Variants in MGMT observed in about 807,000 individuals in gnomAD.
The protein encoded by MGMT is methylated-DNA--protein-cysteine methyltransferase.
In MGMT, 14 loss-of-function variants were observed where a neutral mutation model predicts 15.9. The ratio of observed to expected loss-of-function variants is 0.88; its 90% CI spans 0.58 to 1.37. The LOEUF is 1.37. Ranked by LOEUF, MGMT falls within the 40% of genes most tolerant of loss-of-function variation. The pLI, the probability that MGMT is intolerant of heterozygous loss-of-function variation, is 0.00. For synonymous variants in MGMT, 130 were observed against 118.2 expected (o/e 1.10, Z -0.65); for missense variants, 282 against 268.1 (o/e 1.05, Z -0.36).
At chr10:129,741,971 G>C (rs1430914546) in intron 3 of MGMT, among the ~76,000 whole-genome samples, 1 of 152,222 alleles carries the variant, frequency 6.6e-6, no homozygotes, top group South Asian at 2.1e-4. Flanking sequence ...TGCAACGCCA[G>C]CTTTGCAAAG....
chr10:129,671,850 C>T (rs1298115587), intron 2 of MGMT, among the ~76,000 whole-genome samples: 3 of 152,316 alleles, frequency 2.0e-5, no homozygotes, highest in Admixed American at 1.3e-4. Flanking sequence ...TGTGTGTTCA[C>T]CAGTTGCAAC....
chr10:129,643,676 G>C (rs143779243), intron 2 of MGMT, among the ~76,000 whole-genome samples: 1 of 152,174 alleles, frequency 6.6e-6, no homozygotes, highest in Non-Finnish European at 1.5e-5. Context: ...CAGAAACAAC[G>C]ATTTCTTCAA....
intron 2 of MGMT, among the ~76,000 whole-genome samples, chr10:129,643,582 A>G (rs765300092): frequency 5.3e-5 from 8 of 152,162 alleles, no homozygotes; most frequent in African/African-American, 9.7e-5. Context: ...GGACCCACAC[A>G]TGCTAAGCGA....
At chr10:129,526,516 C>A (rs1210371808) in intron 1 of MGMT, among the ~76,000 whole-genome samples, 1 of 152,138 alleles carries the variant, frequency 6.6e-6, no homozygotes, top group Non-Finnish European at 1.5e-5. Flanking sequence ...TGATTTCTCC[C>A]TTTTAACATG....
chr10:129,651,866 C>T (rs1268956664), intron 2 of MGMT, among the ~76,000 whole-genome samples: 1 of 152,210 alleles, frequency 6.6e-6, no homozygotes, highest in Non-Finnish European at 1.5e-5. Context: ...AATTTCTGAG[C>T]TGCACTGATC....
intron 2 of MGMT, among the ~76,000 whole-genome samples, chr10:129,571,655 G>T (rs1846421039): frequency 6.6e-6 from 1 of 152,188 alleles, no homozygotes; most frequent in Non-Finnish European, 1.5e-5. Flanking sequence ...TGTCAACCAT[G>T]CTGAGAGGTG....
At chr10:129,667,097 G>A (rs1352649881) in intron 2 of MGMT, among the ~76,000 whole-genome samples, 1 of 152,096 alleles carries the variant, frequency 6.6e-6, no homozygotes, top group African/African-American at 2.4e-5. Context: ...TTGTTATAAA[G>A]ATAATACACA....
chr10:129,715,020 G>A (rs906105226), intron 3 of MGMT, among the ~76,000 whole-genome samples: 4 of 152,142 alleles, frequency 2.6e-5, no homozygotes, highest in African/African-American at 9.7e-5. Flanking sequence ...CGTGAGTCGG[G>A]GGTAAAGGAA....
intron 4 of MGMT, among the ~76,000 whole-genome samples, chr10:129,760,747 G>A (rs887546855): frequency 1.4e-4 from 21 of 152,086 alleles, no homozygotes; most frequent in African/African-American, 4.8e-4. Flanking sequence ...TAATCTAGGC[G>A]AGCTTTCTAC....
intron 4 of MGMT, among the ~76,000 whole-genome samples, chr10:129,760,565 G>A (rs140458338): frequency 0.01 from 1,588 of 152,268 alleles, 21 homozygotes; most frequent in Non-Finnish European, 0.012. Flanking sequence ...AGAGGCCGGC[G>A]TGTTCATACC....
intron 2 of MGMT, among the ~76,000 whole-genome samples, chr10:129,679,539 G>C (rs770228808): frequency 1.3e-5 from 2 of 152,168 alleles, no homozygotes; most frequent in Non-Finnish European, 2.9e-5. Context: ...AAGAATATTA[G>C]TACAATATTT....
At chr10:129,553,448 C>T (rs989502948) in intron 2 of MGMT, among the ~76,000 whole-genome samples, 3 of 152,144 alleles carry the variant, frequency 2.0e-5, no homozygotes, top group Non-Finnish European at 4.4e-5. Context: ...ACCTTGCGAG[C>T]AGTGGTTTTT....
At chr10:129,655,233 G>A (rs995922106) in intron 2 of MGMT, among the ~76,000 whole-genome samples, 9 of 152,206 alleles carry the variant, frequency 5.9e-5, no homozygotes, top group South Asian at 4.1e-4. Flanking sequence ...GCGCACTGCC[G>A]TGGTTTCCTG....
chr10:129,470,585 C>T (rs775034231), intron 1 of MGMT, among the ~76,000 whole-genome samples: 3 of 151,862 alleles, frequency 2.0e-5, no homozygotes, highest in African/African-American at 4.8e-5. Context: ...GTGGATCACC[C>T]GGAAAGGAAT....
chr10:129,557,120 A>G (rs947537497), intron 2 of MGMT, among the ~76,000 whole-genome samples: 1 of 152,204 alleles, frequency 6.6e-6, no homozygotes, highest in Admixed American at 6.5e-5. Context: ...CATTATCCAA[A>G]TACAATAACA....
At chr10:129,608,891 T>TG (rs1239217974) in intron 2 of MGMT, among the ~76,000 whole-genome samples, 10 of 152,256 alleles carry the variant, frequency 6.6e-5, no homozygotes, top group Non-Finnish European at 1.3e-4. Context: ...GTGACTTTTA[T>TG]TTTTTCCTTT....
At chr10:129,538,463 C>T (rs73384898) in intron 2 of MGMT, among the ~76,000 whole-genome samples, 6,953 of 152,260 alleles carry the variant, frequency 0.046, 550 homozygotes, top group African/African-American at 0.16. Flanking sequence ...AGTTACTCCA[C>T]GTTCTTGGCA....
chr10:129,512,860 G>A (rs1845698996), intron 1 of MGMT, among the ~76,000 whole-genome samples: 2 of 152,134 alleles, frequency 1.3e-5, no homozygotes, highest in Admixed American at 6.5e-5. Context: ...AAAACATGAA[G>A]CATAGAATTC....
chr10:129,727,377 T>C (rs1050910471), intron 3 of MGMT, among the ~76,000 whole-genome samples: 1 of 152,074 alleles, frequency 6.6e-6, no homozygotes, highest in African/African-American at 2.4e-5. Context: ...CTGTTGGAAA[T>C]AGATCCTCCA....
Sources: gnomAD v4.1 joint callset for allele counts (sites outside exome capture counted in the v4.1 genomes callset) on GRCh38, gnomAD v4.1.1 for gene constraint, MANE v1.5 for transcripts, NCBI Gene and HGNC (gene_info 2026-07-23, HGNC 2026-07-21) for gene names.